The following IQCM variants were observed in gnomAD, a reference collection of about 807,000 sequenced individuals.
IQCM encodes the protein IQ motif containing M, also known as IQ domain-containing protein M.
A neutral mutation model predicts 57.6 loss-of-function variants in IQCM; 45 were observed. The ratio of observed to expected loss-of-function variants is 0.78; its 90% CI spans 0.62 to 1.00. IQCM has a LOEUF of 1.00. Among genes scored for constraint, IQCM ranks in the 50% least tolerant of loss-of-function variants. The pLI is 0.00. For missense variants in IQCM, 468 were observed against 511.6 expected (o/e 0.91, Z 0.82); for synonymous variants, 148 against 158.9 (o/e 0.93, Z 0.51).
chr4:149,520,259 C>A (rs1745490255), intron 12 of IQCM, among the ~76,000 whole-genome samples: 1 of 139,906 alleles, frequency 7.1e-6, no homozygotes, highest in East Asian at 2.1e-4. Flanking sequence ...AAAATCAGAG[C>A]AAAGGAAGTT....
intron 7 of IQCM, among the ~76,000 whole-genome samples, chr4:149,651,417 C>A (rs549317446): frequency 2.0e-5 from 3 of 152,166 alleles, no homozygotes; most frequent in African/African-American, 7.2e-5. Context: ...GTGGAAATAA[C>A]CTGGCTAGGA....
At chr4:149,791,143 T>G (rs115738805) in intron 2 of IQCM, among the ~76,000 whole-genome samples, 121 of 152,278 alleles carry the variant, frequency 7.9e-4, no homozygotes, top group African/African-American at 2.6e-3. Flanking sequence ...ATAAAAGGAT[T>G]AATAGTGACA....
chr4:149,806,151 AT>A (rs1774060047), intron 2 of IQCM, among the ~76,000 whole-genome samples: 1 of 151,718 alleles, frequency 6.6e-6, no homozygotes, highest in South Asian at 2.1e-4. Flanking sequence ...ATTTAAAAGA[AT>A]TTTTGTAAAA....
chr4:149,575,418 T>A (rs1263673788), intron 9 of IQCM, among the ~76,000 whole-genome samples: 2 of 151,880 alleles, frequency 1.3e-5, no homozygotes, highest in Non-Finnish European at 2.9e-5. Flanking sequence ...CCTGTTCACT[T>A]CAAAAATCAG....
At chr4:149,632,639 G>A (rs1317627634) in intron 7 of IQCM, among the ~76,000 whole-genome samples, 1 of 152,050 alleles carries the variant, frequency 6.6e-6, no homozygotes, top group Non-Finnish European at 1.5e-5. Context: ...CAAAATTTTA[G>A]CCCTGCTTAT....
At chr4:149,698,086 G>A (rs1763472811) in intron 5 of IQCM, among the ~76,000 whole-genome samples, 1 of 151,872 alleles carries the variant, frequency 6.6e-6, no homozygotes, top group Non-Finnish European at 1.5e-5. Flanking sequence ...CGGGTTGTCT[G>A]AATACTTTGT....
At chr4:149,635,655 C>G (rs927759596) in intron 7 of IQCM, among the ~76,000 whole-genome samples, 1 of 152,010 alleles carries the variant, frequency 6.6e-6, no homozygotes, top group African/African-American at 2.4e-5. Flanking sequence ...ACAAATAACA[C>G]CTGCATGCCT....
chr4:149,355,591 G>A (rs568608162), intron 13 of IQCM, among the ~76,000 whole-genome samples: 1 of 152,140 alleles, frequency 6.6e-6, no homozygotes, highest in African/African-American at 2.4e-5. Context: ...TTTTATAGCT[G>A]CATAGTATTC....
intron 12 of IQCM, among the ~76,000 whole-genome samples, chr4:149,478,706 T>C (rs1275207691): frequency 1.3e-5 from 2 of 152,032 alleles, no homozygotes; most frequent in African/African-American, 4.8e-5. Context: ...TTTGAAGACA[T>C]GAGGCAAGCA....
At chr4:149,421,437 C>T (rs1029967017) in intron 13 of IQCM, among the ~76,000 whole-genome samples, 5 of 151,926 alleles carry the variant, frequency 3.3e-5, no homozygotes, top group Non-Finnish European at 7.4e-5. Context: ...CTGAGATCTT[C>T]CCATCCATAA....
At position 149,806,688 on chromosome 4, in the gene IQCM, A is replaced by C. The variant is rs1165159574; in HGVS notation, c.-49+8623T>G. Among the ~76,000 whole-genome samples the C allele has an allele frequency of 2.6e-5, 4 of 152,110 alleles. No homozygotes were observed. In the East Asian group the frequency reaches 7.7e-4, roughly 29 times the overall value. ...CTGGAAATTTTTAATAAAAGTCATC[A>C]GTAAATAAAGGATCAAAAATCTTAT... On this transcript the variant is annotated intron_variant, in intron 2 of 13. Transcript: ENST00000636793.
At chr4:149,756,692 A>G (rs1023797521) in intron 2 of IQCM, among the ~76,000 whole-genome samples, 1 of 152,204 alleles carries the variant, frequency 6.6e-6, no homozygotes, top group Admixed American at 6.5e-5. Flanking sequence ...ATCAGTGTGG[A>G]TTTTTTCATG....
chr4:149,523,171 T>C (rs936355716), intron 12 of IQCM, among the ~76,000 whole-genome samples: 1 of 152,110 alleles, frequency 6.6e-6, no homozygotes, highest in Admixed American at 6.6e-5. Flanking sequence ...CTCTCCTGTC[T>C]CTTCTTATAA....
chr4:149,669,300 A>G (rs1761036098), intron 7 of IQCM, among the ~76,000 whole-genome samples: 1 of 152,240 alleles, frequency 6.6e-6, no homozygotes, highest in Non-Finnish European at 1.5e-5. Flanking sequence ...GTCTATTCAT[A>G]TCCTTTGCCC....
Position 149,703,863 on chromosome 4 carries a change from G to C in IQCM, c.386-17395C>G, listed in dbSNP as rs1763952554. Among the ~76,000 whole-genome samples the C allele has an allele frequency of 3.3e-5, 5 of 151,960 alleles. No homozygotes were observed. In the South Asian group the frequency reaches 6.2e-4, roughly 19 times the overall value. On this transcript the variant is annotated intron_variant, in intron 5 of 13. Transcript: ENST00000636793. ...AAAAACTGTTAGAACAGTAAAGACA[G>C]TGAGAATTAATAAGGTTCTAACGTT...
chr4:149,472,879 T>A (rs1396610039), intron 12 of IQCM, among the ~76,000 whole-genome samples: 4 of 152,100 alleles, frequency 2.6e-5, no homozygotes, highest in Non-Finnish European at 4.4e-5. Context: ...GAGAAAGGAT[T>A]CCCTGTTTAA....
chr4:149,740,930 G>T (rs1201258530), intron 3 of IQCM, among the ~76,000 whole-genome samples: 1 of 152,088 alleles, frequency 6.6e-6, no homozygotes, highest in Non-Finnish European at 1.5e-5. Flanking sequence ...TGGAATTAAG[G>T]CCATCAGTTC....
At chr4:149,718,907 A>C (rs1163824047) in intron 5 of IQCM, among the ~76,000 whole-genome samples, 4 of 152,248 alleles carry the variant, frequency 2.6e-5, no homozygotes, top group African/African-American at 7.2e-5. Context: ...AAAAATTCTT[A>C]TATTAATCAC....
At chr4:149,721,323 A>G (rs945177554) in intron 5 of IQCM, among the ~76,000 whole-genome samples, 1 of 151,882 alleles carries the variant, frequency 6.6e-6, no homozygotes, top group African/African-American at 2.4e-5. Context: ...TTAGGGCTAC[A>G]AGTGGTTTTT....
Sources: gnomAD v4.1 joint callset for allele counts (sites outside exome capture counted in the v4.1 genomes callset) on GRCh38, gnomAD v4.1.1 for gene constraint, MANE v1.5 for transcripts, NCBI Gene and HGNC (gene_info 2026-07-23, HGNC 2026-07-21) for gene names.